Variants in NBPF15 observed in about 807,000 individuals in gnomAD.
The protein encoded by NBPF15 is NBPF family member NBPF15.
Under a neutral mutation model 62.2 loss-of-function variants are expected in NBPF15, and 74 were observed. That is an observed-to-expected ratio of 1.19 (90% CI 0.99 to 1.44). The LOEUF (loss-of-function observed/expected upper bound fraction) is 1.44. NBPF15 is among the 40% of genes most tolerant of loss of function. The probability of loss-of-function intolerance (pLI) is 0.00; values close to 1 mark genes in which losing one functional copy is unlikely to be tolerated. For missense variants in NBPF15, 790 were observed against 550.0 expected (o/e 1.44, Z -4.36); for synonymous variants, 244 against 209.7 (o/e 1.16, Z -1.41).
intron 14 of NBPF15, 107 bp from the exon 15 acceptor site, chr1:144,428,764 G>A (rs1571114262): frequency 1.6e-6 from 1 of 614,092 alleles, no homozygotes; most frequent in East Asian, 2.7e-5. Context: ...TTGTCAGTGT[G>A]AGAACAGGAG....
At chr1:144,447,481 C>T (rs587752372) in intron 6 of NBPF15, among the ~76,000 whole-genome samples, 48 of 151,980 alleles carry the variant, frequency 3.2e-4, no homozygotes, top group African/African-American at 8.9e-4. Flanking sequence ...CAGGCTCCAT[C>T]GGGTGCCCCC....
chr1:144,461,562 C>A lies in NBPF15; in HGVS notation c.-1119G>T, dbSNP rs1447587111. ...TCACTCAGATGCTCACGCAGCCTCGCGACCCTCACCTACCCCTCCCGATAC... is the reference window on the plus strand; with the variant it reads ...TCACTCAGATGCTCACGCAGCCTCGAGACCCTCACCTACCCCTCCCGATAC... On this transcript the variant is annotated 5_prime_UTR_variant, in exon 1 of 22. Transcript: ENST00000581897. 3.9e-5 allele frequency: 6 copies of A among 152,860 alleles called. No homozygotes were observed. Among genetic ancestry groups the A allele is most frequent in the East Asian group, 1.9e-4 (1 of 5,174 alleles). The allele number at this position is 152,860 out of a possible 1,614,324, so 9.5% of individuals were successfully genotyped here.
chr1:144,458,891 T>G (rs1571172668), intron 3 of NBPF15, among the ~76,000 whole-genome samples: 1 of 151,444 alleles, frequency 6.6e-6, no homozygotes, highest in South Asian at 2.1e-4. Context: ...AATATGAAAA[T>G]TAAGCCAGGC....
intron 6 of NBPF15, among the ~76,000 whole-genome samples, chr1:144,445,569 T>C (rs1686916855): frequency 6.7e-6 from 1 of 150,064 alleles, no homozygotes; most frequent in Non-Finnish European, 1.5e-5. Context: ...TCATTCGCCA[T>C]TATTCTTTTA....
chr1:144,442,725 G>A (rs1449068243), intron 6 of NBPF15: 1 of 189,620 alleles, frequency 5.3e-6, no homozygotes, highest in African/African-American at 2.4e-5. Flanking sequence ...CGCCAGCTGA[G>A]GTTGGTGTCC....
At chr1:144,449,713 C>G (rs1186346930) in intron 5 of NBPF15, among the ~76,000 whole-genome samples, 4 of 151,336 alleles carry the variant, frequency 2.6e-5, no homozygotes, top group African/African-American at 9.7e-5. Flanking sequence ...CTGGATTTTG[C>G]CCAGCTCCAT....
At chr1:144,431,337 A>G (rs1389002070) in intron 13 of NBPF15, among the ~76,000 whole-genome samples, 1 of 149,872 alleles carries the variant, frequency 6.7e-6, no homozygotes, top group African/African-American at 2.5e-5. Flanking sequence ...AGGTCGGATT[A>G]CCCACAAAGG....
At chr1:144,444,839 G>C (rs1184378255) in intron 6 of NBPF15, among the ~76,000 whole-genome samples, 1 of 151,886 alleles carries the variant, frequency 6.6e-6, no homozygotes, top group African/African-American at 2.4e-5. Flanking sequence ...CCTCAGGTTG[G>C]TCTGGAAACA....
At chr1:144,445,846 G>T (rs1377707387) in intron 6 of NBPF15, among the ~76,000 whole-genome samples, 2 of 135,064 alleles carry the variant, frequency 1.5e-5, no homozygotes, top group African/African-American at 2.8e-5. Flanking sequence ...AAATTTTGTT[G>T]ACTTTCCTTT....
intron 13 of NBPF15, among the ~76,000 whole-genome samples, chr1:144,433,341 A>G (rs1156839048): frequency 6.6e-6 from 1 of 152,106 alleles, no homozygotes; most frequent in Non-Finnish European, 1.5e-5. Flanking sequence ...TGCCCACAAG[A>G]GAAAGCAGAA....
chr1:144,449,576 C>A (rs1309773643), intron 5 of NBPF15, among the ~76,000 whole-genome samples: 7 of 151,898 alleles, frequency 4.6e-5, no homozygotes, highest in African/African-American at 1.5e-4. Flanking sequence ...GAGCCATACG[C>A]AAAAGAGTGT....
rs372527215 is a variant in NBPF15 at position 144,423,080 on chromosome 1, C to T, written c.1946G>A (p.Arg649Lys). ...HISFALYVDN[R>K]FFTLTVTSLH... Reference sequence around the variant, plus strand: ...ACTTGTCACCGTCAAAGTAAAAAACCTATTGTCCACGTAAAGGGCGAAGCT... The same window carrying T: ...ACTTGTCACCGTCAAAGTAAAAAACTTATTGTCCACGTAAAGGGCGAAGCT... The change falls in exon 22 of 22, where the codon AGG becomes AAG. Residue 649 changes from arginine (R) to lysine (K), a missense_variant. Transcript: ENST00000581897. 136 of 1,611,488 alleles carry T rather than the reference C, an allele frequency of 8.4e-5. 2 individuals are homozygous for T. Among genetic ancestry groups the T allele is most frequent in the Non-Finnish European group, 1.0e-4 (121 of 1,179,624 alleles).
intron 15 of NBPF15, among the ~76,000 whole-genome samples, 186 bp from the exon 16 acceptor site, chr1:144,428,176 A>AAG (rs1199252614): frequency 7.6e-6 from 1 of 131,550 alleles, no homozygotes; most frequent in Non-Finnish European, 1.5e-5. Flanking sequence ...ATGAAAGAGA[A>AAG]AGACACACAC....
At position 144,422,375 on chromosome 1, in the gene NBPF15, T is replaced by A. The variant is rs1390006766; in HGVS notation, c.*638A>T. 2 of 36,490 alleles carry A rather than the reference T, an allele frequency of 5.5e-5. No homozygotes were observed. Among genetic ancestry groups the A allele is most frequent in the Non-Finnish European group, 1.1e-4 (2 of 18,834 alleles). 2.3% of individuals were successfully genotyped at this position (36,490 alleles called of 1,614,324 possible). ...ACTCCTGTTCTCTACAGGATGGAAT[T>A]GAGAGGAGCAGGGCTAAGGCCTCCC... On this transcript the variant is annotated 3_prime_UTR_variant, in exon 22 of 22. Transcript: ENST00000581897.
At chr1:144,432,216 A>T (rs1162447231) in intron 13 of NBPF15, among the ~76,000 whole-genome samples, 2 of 152,014 alleles carry the variant, frequency 1.3e-5, no homozygotes, top group African/African-American at 4.8e-5. Context: ...ACAAAGCTTC[A>T]TAAGTGAAGG....
chr1:144,441,355 C>G (rs1682794433), intron 6 of NBPF15, among the ~76,000 whole-genome samples: 1 of 151,992 alleles, frequency 6.6e-6, no homozygotes, highest in African/African-American at 2.4e-5. Context: ...GTCTTTTAAA[C>G]TACACCAGGT....
intron 3 of NBPF15, among the ~76,000 whole-genome samples, chr1:144,458,874 TA>T (rs1650219490): frequency 6.6e-6 from 1 of 151,634 alleles, no homozygotes; most frequent in Non-Finnish European, 1.5e-5. Context: ...TCCCAATCTC[TA>T]CAAAAAATAT....
intron 13 of NBPF15, among the ~76,000 whole-genome samples, chr1:144,432,339 A>G (rs1674969177): frequency 6.6e-6 from 1 of 151,950 alleles, no homozygotes; most frequent in African/African-American, 2.4e-5. Flanking sequence ...AACCGGTACC[A>G]GCCACTACAA....
chr1:144,449,667 A>G (rs1301877169), intron 5 of NBPF15, among the ~76,000 whole-genome samples: 3 of 152,000 alleles, frequency 2.0e-5, no homozygotes, highest in Non-Finnish European at 4.4e-5. Flanking sequence ...ACAGAGGGTC[A>G]GTCCCAGGCT....
Sources: allele counts gnomAD v4.1 joint callset (sites outside exome capture counted in the v4.1 genomes callset), GRCh38; gene constraint gnomAD v4.1.1; transcripts MANE v1.5; gene names NCBI Gene and HGNC (gene_info 2026-07-23, HGNC 2026-07-21).